C12orf42: variants seen among roughly 807,000 people sequenced by gnomAD.
C12orf42 encodes chromosome 12 open reading frame 42.
C12orf42 carries 25 observed loss-of-function variants against 21.6 expected under a neutral mutation model. That is an observed-to-expected ratio of 1.16 (90% CI 0.84 to 1.62). C12orf42 has a LOEUF of 1.62. C12orf42 is among the 40% of genes most tolerant of loss of function. The probability of loss-of-function intolerance (pLI) is 0.00; values close to 1 mark genes in which losing one functional copy is unlikely to be tolerated. For synonymous variants in C12orf42, 174 were observed against 175.0 expected (o/e 0.99, Z 0.05); for missense variants, 483 against 459.3 (o/e 1.05, Z -0.47).
At chr12:103,125,145 G>GT in the C12orf42 span, among the ~76,000 whole-genome samples, 1 of 151,990 alleles carries the variant, frequency 6.6e-6, no homozygotes, top group East Asian at 1.9e-4. Flanking sequence ...TTCATATTCT[G>GT]TTTTTTGGTC....
intron 10 of C12orf42, among the ~76,000 whole-genome samples, chr12:103,249,020 A>C (rs899982918): frequency 1.3e-5 from 2 of 152,060 alleles, no homozygotes; most frequent in Non-Finnish European, 2.9e-5. Flanking sequence ...AAGAATGATC[A>C]GAAAACCAAC....
chr12:103,462,095 G>GTTTTTTTTT (rs1565867930), intron 2 of C12orf42, among the ~76,000 whole-genome samples: 1 of 31,482 alleles, frequency 3.2e-5, no homozygotes, highest in Non-Finnish European at 6.9e-5. Context: ...TTTTTTGCTT[G>GTTTTTTTTT]GTTTTTTTTT....
At chr12:103,227,889 G>A in the C12orf42 span, among the ~76,000 whole-genome samples, 5 of 152,162 alleles carry the variant, frequency 3.3e-5, no homozygotes, top group East Asian at 1.9e-4. Context: ...AGATTGAAGA[G>A]TGGAAAGGAG....
the C12orf42 span, among the ~76,000 whole-genome samples, chr12:103,143,831 A>G: frequency 6.6e-6 from 1 of 152,244 alleles, no homozygotes; most frequent in East Asian, 1.9e-4. Flanking sequence ...CTGAGTATTA[A>G]TCCCAGCTCT....
chr12:103,219,911 G>A, the C12orf42 span, among the ~76,000 whole-genome samples: 2 of 152,122 alleles, frequency 1.3e-5, no homozygotes, highest in Non-Finnish European at 2.9e-5. Flanking sequence ...CCATTACTGG[G>A]TATATACCCA....
At chr12:103,497,970 G>A (rs538670031), upstream of C12orf42, among the ~76,000 whole-genome samples, 1 of 152,236 alleles carries the variant, frequency 6.6e-6, no homozygotes, top group African/African-American at 2.4e-5. Flanking sequence ...GTGAGGCAGA[G>A]GTTGCAGTGA....
intron 1 of C12orf42, among the ~76,000 whole-genome samples, chr12:103,490,289 C>G (rs1955109905): frequency 1.3e-5 from 2 of 152,112 alleles, no homozygotes; most frequent in South Asian, 4.2e-4. Flanking sequence ...ACCTTTATGC[C>G]AGCTCATAAA....
At chr12:103,226,695 G>A in the C12orf42 span, among the ~76,000 whole-genome samples, 2 of 152,180 alleles carry the variant, frequency 1.3e-5, no homozygotes, top group Non-Finnish European at 2.9e-5. Flanking sequence ...AGAAGAGGCT[G>A]AGGAAGAATT....
At chr12:103,257,425 TA>T (rs1176229598) in intron 10 of C12orf42, among the ~76,000 whole-genome samples, 1 of 152,106 alleles carries the variant, frequency 6.6e-6, no homozygotes, top group African/African-American at 2.4e-5. Flanking sequence ...AAAGCATGCT[TA>T]AAAAGTTATA....
the C12orf42 span, chr12:103,151,860 T>C: frequency 4.6e-5 from 7 of 152,172 alleles, no homozygotes; most frequent in Non-Finnish European, 1.0e-4. Flanking sequence ...TCACACTCAG[T>C]CCCAGGATTA....
chr12:103,285,968 G>A (rs558993700), intron 4 of C12orf42, among the ~76,000 whole-genome samples: 29 of 152,276 alleles, frequency 1.9e-4, no homozygotes, highest in African/African-American at 4.8e-4. Context: ...GAATGAGGCC[G>A]GGCGTGGTGG....
chr12:103,553,242 A>G, the C12orf42 span, among the ~76,000 whole-genome samples: 1 of 152,194 alleles, frequency 6.6e-6, no homozygotes, highest in Admixed American at 6.5e-5. Flanking sequence ...CTGGAGAGCA[A>G]AAACCACCCC....
At chr12:103,373,863 A>G (rs749392136) in intron 3 of C12orf42, among the ~76,000 whole-genome samples, 7 of 152,246 alleles carry the variant, frequency 4.6e-5, no homozygotes, top group Non-Finnish European at 8.8e-5. Context: ...CACTAGGTAT[A>G]CAAATCCAAG....
chr12:103,220,258 CAG>C, the C12orf42 span, among the ~76,000 whole-genome samples: 1 of 151,882 alleles, frequency 6.6e-6, no homozygotes, highest in African/African-American at 2.4e-5. Flanking sequence ...CAGGGCCTCT[CAG>C]GGGGTGGGAT....
At chr12:103,146,559 GA>G in the C12orf42 span, among the ~76,000 whole-genome samples, 23 of 28,618 alleles carry the variant, frequency 8.0e-4, 1 homozygote, top group Admixed American at 2.1e-3. Context: ...AATAAAGAAA[GA>G]AAAGAAAGAA....
At chr12:103,339,755 C>CA (rs1250052595) in intron 4 of C12orf42, among the ~76,000 whole-genome samples, 15 of 152,206 alleles carry the variant, frequency 9.9e-5, no homozygotes, top group African/African-American at 3.6e-4. Context: ...GAGTGAAAAT[C>CA]AAATACACTT....
the C12orf42 span, among the ~76,000 whole-genome samples, chr12:103,105,639 C>G: frequency 6.6e-6 from 1 of 151,472 alleles, no homozygotes; most frequent in Non-Finnish European, 1.5e-5. Context: ...CCTCCCATAT[C>G]TAAAATAAAA....
At chr12:103,322,675 G>T (rs2040297911) in intron 4 of C12orf42, among the ~76,000 whole-genome samples, 1 of 152,088 alleles carries the variant, frequency 6.6e-6, no homozygotes, top group Non-Finnish European at 1.5e-5. Context: ...TAAATTAGTT[G>T]CTGTTATTGT....
intron 2 of C12orf42, among the ~76,000 whole-genome samples, chr12:103,421,612 TAAA>T (rs2049915673): frequency 1.8e-5 from 2 of 110,702 alleles, no homozygotes; most frequent in African/African-American, 6.1e-5. Context: ...AATAAATAAA[TAAA>T]TAAATATCAG....
Sources: gnomAD v4.1 joint callset for allele counts (sites outside exome capture counted in the v4.1 genomes callset) on GRCh38, gnomAD v4.1.1 for gene constraint, MANE v1.5 for transcripts, NCBI Gene and HGNC (gene_info 2026-07-23, HGNC 2026-07-21) for gene names.